The following LRRIQ1 variants were observed in gnomAD, a reference collection of about 807,000 sequenced individuals.
LRRIQ1 encodes the protein leucine rich repeats and IQ motif containing 1, also known as leucine-rich repeat- and IQ domain-containing protein 1.
LRRIQ1 carries 210 observed loss-of-function variants against 211.9 expected under a neutral mutation model. The ratio of observed to expected loss-of-function variants is 0.99; its 90% CI spans 0.89 to 1.11. The LOEUF (loss-of-function observed/expected upper bound fraction) is 1.11. LRRIQ1 is among the 50% of genes most tolerant of loss of function. The pLI is 0.00. For missense variants in LRRIQ1, 2,136 were observed against 1,939.5 expected (o/e 1.10, Z -1.90); for synonymous variants, 699 against 650.1 (o/e 1.08, Z -1.14).
intron 24 of LRRIQ1, among the ~76,000 whole-genome samples, chr12:85,222,791 C>T (rs944317826): frequency 3.9e-5 from 6 of 151,986 alleles, no homozygotes; most frequent in East Asian, 1.9e-4. Context: ...CAGTTCAAGG[C>T]GTTGGGTTTG....
chr12:85,116,582 G>A (rs1887597302), intron 15 of LRRIQ1, among the ~76,000 whole-genome samples: 1 of 152,116 alleles, frequency 6.6e-6, no homozygotes, highest in African/African-American at 2.4e-5. Flanking sequence ...AGGTTTTGGA[G>A]CAGATGTGAA....
At chr12:85,107,164 A>G (rs1436588460) in intron 15 of LRRIQ1, among the ~76,000 whole-genome samples, 2 of 152,114 alleles carry the variant, frequency 1.3e-5, no homozygotes, top group Admixed American at 6.5e-5. Context: ...TCTCATTTAC[A>G]CTTCTAATAA....
chr12:85,178,483 C>T lies in LRRIQ1; in HGVS notation c.4822+17769C>T, dbSNP rs112270436. ...TCACTTTTGAGCTTTCATTTTCTTC[C>T]GCTGTCCTTGAGACAGGATTCATGG... On this transcript the variant is annotated intron_variant, in intron 24 of 26. Coordinates refer to ENST00000393217, the MANE Select transcript of LRRIQ1 (RefSeq NM_001079910.2). Among the ~76,000 whole-genome samples, 54 of 151,946 alleles carry T rather than the reference C, an allele frequency of 3.6e-4. 1 individual carries two copies. The highest frequency in any genetic ancestry group is 2.5e-3 in the South Asian group (12 of 4,810).
chr12:85,071,232 A>G (rs921533996), intron 10 of LRRIQ1, among the ~76,000 whole-genome samples: 5 of 151,998 alleles, frequency 3.3e-5, no homozygotes, highest in Admixed American at 2.0e-4. Context: ...AAACATATAT[A>G]TGTGTGCATC....
rs1171544951 is a variant in LRRIQ1 at position 85,084,401 on chromosome 12, A to G, written c.2887+11303A>G. Among the ~76,000 whole-genome samples the G allele has an allele frequency of 3.3e-5, 5 of 152,292 alleles. No homozygotes were observed. In the South Asian group the frequency reaches 8.3e-4, roughly 25 times the overall value. The stretch of plus-strand genomic sequence containing the variant: ...AGCCAATGATGCCTACTTTTTCTAT[A>G]TAAGTAAATGTAGTTAGGGTACAGT... On this transcript the variant is annotated intron_variant, in intron 11 of 26. Coordinates refer to ENST00000393217, the MANE Select transcript of LRRIQ1 (RefSeq NM_001079910.2).
intron 13 of LRRIQ1, among the ~76,000 whole-genome samples, chr12:85,103,208 G>A (rs972505237): frequency 8.0e-5 from 12 of 150,284 alleles, no homozygotes; most frequent in African/African-American, 2.4e-4. Flanking sequence ...ATGGGTTTTC[G>A]ATAACAATTA....
chr12:85,041,169 CATG>C (rs1385181480), intron 3 of LRRIQ1, among the ~76,000 whole-genome samples: 3 of 151,498 alleles, frequency 2.0e-5, no homozygotes, highest in African/African-American at 4.8e-5. Flanking sequence ...AAAAAATATT[CATG>C]ATATGTTAAA....
At chr12:85,097,252 G>A (rs960002533) in intron 11 of LRRIQ1, among the ~76,000 whole-genome samples, 1 of 152,086 alleles carries the variant, frequency 6.6e-6, no homozygotes, top group African/African-American at 2.4e-5. Flanking sequence ...AAGTATGACC[G>A]GGAGGCCCCA....
At chr12:85,039,742 C>T (rs1878640654) in intron 2 of LRRIQ1, among the ~76,000 whole-genome samples, 1 of 151,502 alleles carries the variant, frequency 6.6e-6, no homozygotes. Context: ...TATATAGAAG[C>T]ATTTATATCG....
rs143722289 is a variant in LRRIQ1, at chr12:85,148,690, G to A, written c.4330-3590G>A. ...AGTAATGAGATTGCTGGGTCAAATG[G>A]TATTTCTGGTTCTGGATCCTTGATG... On this transcript the variant is annotated intron_variant, in intron 19 of 26. Coordinates refer to ENST00000393217, the MANE Select transcript of LRRIQ1 (RefSeq NM_001079910.2). Among the ~76,000 whole-genome samples, 1,173 of 152,002 alleles carry A rather than the reference G, an allele frequency of 7.7e-3. 19 individuals are homozygous for A. The highest frequency in any genetic ancestry group is 0.026 in the African/African-American group (1,090 of 41,510).
rs549862855 is a variant in LRRIQ1 at position 85,182,030 on chromosome 12, G to A, written c.4822+21316G>A. ...ATATGTGTCAGTAATTTATATATCT[G>A]AAGTATTTTAATGTTTAAAATATTT... On this transcript the variant is annotated intron_variant, in intron 24 of 26. Transcript: ENST00000393217. 2.4e-4 allele frequency among the ~76,000 whole-genome samples: 36 copies of A among 151,910 alleles called. 1 individual carries two copies. The South Asian group carries it at 7.3e-3, about 31-fold the overall frequency.
chr12:85,106,706 T>A, intron 15 of LRRIQ1, 91 bp downstream of exon 15: 1 of 785,818 alleles, frequency 1.3e-6, no homozygotes, highest in Non-Finnish European at 2.1e-6. Context: ...AACAATTACC[T>A]AGGATAAGTT....
At chr12:85,229,412 A>T in intron 24 of LRRIQ1, 105 bp from the exon 25 acceptor site, 1 of 852,606 alleles carries the variant, frequency 1.2e-6, no homozygotes, top group Non-Finnish European at 1.7e-6. Flanking sequence ...ATAAGTTAGT[A>T]TTTTTTTTTC....
At chr12:85,073,422 G>T in intron 11 of LRRIQ1, among the ~76,000 whole-genome samples, 1 of 151,928 alleles carries the variant, frequency 6.6e-6, no homozygotes, top group Non-Finnish European at 1.5e-5. Context: ...AAATAATTTT[G>T]TTGTTGTTGG....
intron 11 of LRRIQ1, among the ~76,000 whole-genome samples, chr12:85,091,058 C>T (rs1398348190): frequency 6.6e-6 from 1 of 152,026 alleles, no homozygotes; most frequent in Non-Finnish European, 1.5e-5. Context: ...AAGTGTGTGG[C>T]ATCTGCCCCC....
chr12:85,063,497 G>T (rs1337175551), intron 8 of LRRIQ1, among the ~76,000 whole-genome samples: 1 of 151,262 alleles, frequency 6.6e-6, no homozygotes, highest in African/African-American at 2.4e-5. Context: ...ATAGTAGATG[G>T]GGTATCCATT....
In LRRIQ1 at chr12:85,153,160, T is replaced by A; in HGVS notation, c.4541+15T>A. ...TTTAATAGCAGGTAAGCTAAACTATTGTTTTAGAGAATCAACTTGTGAATG... is the reference window on the plus strand; with the variant it reads ...TTTAATAGCAGGTAAGCTAAACTATAGTTTTAGAGAATCAACTTGTGAATG... On this transcript the variant is annotated intron_variant, in intron 21 of 26. Transcript: ENST00000393217. 3.8e-6 allele frequency: 6 copies of A among 1,576,194 alleles called. No homozygotes were observed. The highest frequency in any genetic ancestry group is 5.2e-6 in the Non-Finnish European group (6 of 1,162,586).
At chr12:85,158,898 T>C (rs556548737) in intron 23 of LRRIQ1, among the ~76,000 whole-genome samples, 1 of 151,660 alleles carries the variant, frequency 6.6e-6, no homozygotes, top group South Asian at 2.1e-4. Context: ...TATTTATTTA[T>C]TCATTTTTTT....
exon 2 of LRRIQ1, chr12:85,263,171 T>C: frequency 1.7e-6 from 1 of 572,626 alleles, no homozygotes; most frequent in Non-Finnish European, 2.2e-6. Context: ...TTTAATTTGG[T>C]TTATTATACG....
Sources: gnomAD v4.1 joint callset for allele counts (sites outside exome capture counted in the v4.1 genomes callset) on GRCh38, gnomAD v4.1.1 for gene constraint, MANE v1.5 for transcripts, NCBI Gene and HGNC (gene_info 2026-07-23, HGNC 2026-07-21) for gene names.